Variants in MED13L observed in about 807,000 individuals in gnomAD.
The protein encoded by MED13L is mediator complex subunit 13L, also known as mediator of RNA polymerase II transcription subunit 13-like.
A neutral mutation model predicts 220.9 loss-of-function variants in MED13L; 7 were observed. The observed-to-expected ratio is 0.03, with a 90% CI of 0.02 to 0.06. The LOEUF (loss-of-function observed/expected upper bound fraction) is 0.06, where lower values mean the gene tolerates loss of function less well. Ranked by LOEUF, MED13L falls within the 10% of genes least tolerant of loss-of-function variation. The probability of loss-of-function intolerance (pLI) is 1.00; values close to 1 mark genes in which losing one functional copy is unlikely to be tolerated. For missense variants in MED13L, 1,965 were observed against 2,760.5 expected (o/e 0.71, Z 6.46); for synonymous variants, 1,011 against 1,015.2 (o/e 1.00, Z 0.08).
At position 116,008,251 on chromosome 12, in the gene MED13L, T is replaced by C. The variant is rs117983245; in HGVS notation, c.2012+150A>G. 7.2e-4 allele frequency: 811 copies of C among 1,122,148 alleles called. 16 individuals carry two copies. The East Asian group carries it at 0.019, about 27-fold the overall frequency. The allele number at this position is 1,122,148 out of a possible 1,614,324, so 69.5% of individuals were successfully genotyped here. On this transcript the variant is annotated intron_variant, in intron 10 of 30. Transcript: ENST00000281928. ...GCTAACCTATAAGTAGGACAAAGCA[T>C]TTGACCATTAAACATTTTCCATATC...
At chr12:116,093,682 A>G (rs1310784307) in intron 4 of MED13L, among the ~76,000 whole-genome samples, 1 of 151,976 alleles carries the variant, frequency 6.6e-6, no homozygotes, top group Non-Finnish European at 1.5e-5. Flanking sequence ...TATACTATCT[A>G]TATGCTAAGA....
At chr12:116,187,130 C>A (rs956315302) in intron 2 of MED13L, among the ~76,000 whole-genome samples, 7 of 152,146 alleles carry the variant, frequency 4.6e-5, no homozygotes, top group African/African-American at 1.7e-4. Context: ...CGATTCCAGG[C>A]TATTACCTAT....
intron 3 of MED13L, among the ~76,000 whole-genome samples, chr12:116,104,551 T>C (rs1440214263): frequency 6.6e-6 from 1 of 152,142 alleles, no homozygotes; most frequent in African/African-American, 2.4e-5. Context: ...TACCATGGGG[T>C]AAATATGCTA....
At chr12:116,022,218 C>T (rs913194524) in intron 5 of MED13L, among the ~76,000 whole-genome samples, 1 of 152,090 alleles carries the variant, frequency 6.6e-6, no homozygotes, top group Non-Finnish European at 1.5e-5. Flanking sequence ...TTTATTCTTA[C>T]AAAAGAATAC....
At chr12:116,240,295 T>A (rs1593198979) in intron 1 of MED13L, among the ~76,000 whole-genome samples, 1 of 151,790 alleles carries the variant, frequency 6.6e-6, no homozygotes, top group African/African-American at 2.4e-5. Flanking sequence ...CGGGGTTTCA[T>A]CATGCTGGCC....
intron 4 of MED13L, among the ~76,000 whole-genome samples, chr12:116,080,208 G>T (rs907702126): frequency 6.6e-6 from 1 of 152,134 alleles, no homozygotes; most frequent in Non-Finnish European, 1.5e-5. Context: ...TTGGGCACAA[G>T]GGGCTGACCT....
At chr12:116,071,875 C>T (rs907418630) in intron 4 of MED13L, among the ~76,000 whole-genome samples, 1 of 152,164 alleles carries the variant, frequency 6.6e-6, no homozygotes. Context: ...ACTTAAATTC[C>T]CTTTCTGCTC....
At chr12:116,229,782 A>G (rs1593188097) in intron 2 of MED13L, among the ~76,000 whole-genome samples, 1 of 152,198 alleles carries the variant, frequency 6.6e-6, no homozygotes, top group African/African-American at 2.4e-5. Context: ...TCAAGTATAT[A>G]ATTACACATT....
chr12:116,122,944 G>A (rs1249778458), intron 2 of MED13L, among the ~76,000 whole-genome samples: 1 of 152,180 alleles, frequency 6.6e-6, no homozygotes, highest in Admixed American at 6.5e-5. Flanking sequence ...AAAACAGGCT[G>A]CAATGTTACT....
intron 19 of MED13L, among the ~76,000 whole-genome samples, chr12:115,984,961 G>A (rs1254086813): frequency 2.0e-5 from 3 of 151,702 alleles, no homozygotes; most frequent in African/African-American, 4.8e-5. Flanking sequence ...TAATAAACCT[G>A]CAAAAAGTAA....
chr12:116,269,826 A>G (rs1231511880), intron 1 of MED13L, among the ~76,000 whole-genome samples: 3 of 152,262 alleles, frequency 2.0e-5, no homozygotes, highest in East Asian at 1.9e-4. Context: ...AGAATGAGAA[A>G]TAAACACTGA....
intron 2 of MED13L, among the ~76,000 whole-genome samples, chr12:116,160,541 C>G (rs1462949125): frequency 6.6e-6 from 1 of 151,204 alleles, no homozygotes; most frequent in East Asian, 1.9e-4. Flanking sequence ...TGGGCCTTGG[C>G]TCTGATCTGT....
rs116559660 is a variant in MED13L, at chr12:116,038,206, C to T, written c.480-15605G>A. Among the ~76,000 whole-genome samples the T allele has an allele frequency of 7.0e-3, 1,051 of 150,884 alleles. 14 individuals carry two copies. The highest frequency in any genetic ancestry group is 0.024 in the African/African-American group (990 of 41,040). On this transcript the variant is annotated intron_variant, in intron 4 of 30. Transcript: ENST00000281928. ...TTTTTTAAATATAAAACCTTTCATC[C>T]GTTTTGGAGGTTACTTTAAAGATAG...
chr12:116,024,216 T>C (rs1880234502), intron 4 of MED13L, among the ~76,000 whole-genome samples: 1 of 152,048 alleles, frequency 6.6e-6, no homozygotes, highest in South Asian at 2.1e-4. Flanking sequence ...TATCTAAGAA[T>C]GGTGCAAGGA....
chr12:116,121,527 G>A (rs530966046), intron 2 of MED13L, among the ~76,000 whole-genome samples: 17 of 152,270 alleles, frequency 1.1e-4, no homozygotes, highest in Admixed American at 2.6e-4. Flanking sequence ...AAAATGGGAG[G>A]AGGGAGAATG....
intron 16 of MED13L, among the ~76,000 whole-genome samples, chr12:115,992,326 T>C (rs1292040533): frequency 6.6e-6 from 1 of 152,182 alleles, no homozygotes; most frequent in African/African-American, 2.4e-5. Context: ...ACTTCAACCA[T>C]AAGTGCAGAC....
intron 8 of MED13L, among the ~76,000 whole-genome samples, chr12:116,014,842 G>A (rs939769729): frequency 6.6e-6 from 1 of 152,120 alleles, no homozygotes; most frequent in Non-Finnish European, 1.5e-5. Context: ...TGCCAGCTGT[G>A]CTACAAAATA....
intron 2 of MED13L, among the ~76,000 whole-genome samples, chr12:116,153,610 T>A (rs1878216012): frequency 1.3e-5 from 2 of 152,170 alleles, no homozygotes; most frequent in African/African-American, 4.8e-5. Flanking sequence ...CTGGAAGAAA[T>A]AATAGCAGTA....
At chr12:116,109,060 CTTT>C (rs751600660) in intron 3 of MED13L, among the ~76,000 whole-genome samples, 1 of 97,080 alleles carries the variant, frequency 1.0e-5, no homozygotes, top group Non-Finnish European at 2.0e-5. Context: ...AATTAATTTC[CTTT>C]TTTTTTTTTT....
Sources: allele counts gnomAD v4.1 joint callset (sites outside exome capture counted in the v4.1 genomes callset), GRCh38; gene constraint gnomAD v4.1.1; transcripts MANE v1.5; gene names NCBI Gene and HGNC (gene_info 2026-07-23, HGNC 2026-07-21).